Variants in AGAP1 observed in about 807,000 individuals in gnomAD.
The protein encoded by AGAP1 is arf-GAP with GTPase, ANK repeat and PH domain-containing protein 1.
AGAP1 carries 29 observed loss-of-function variants against 105.3 expected under a neutral mutation model. The observed-to-expected ratio is 0.28, with a 90% CI of 0.21 to 0.38. The LOEUF is 0.38. Among genes scored for constraint, AGAP1 ranks in the 10% least tolerant of loss-of-function variants. The pLI, the probability that AGAP1 is intolerant of heterozygous loss-of-function variation, is 1.00. For missense variants in AGAP1, 998 were observed against 1,165.1 expected (o/e 0.86, Z 2.09); for synonymous variants, 509 against 485.9 (o/e 1.05, Z -0.63).
At position 235,725,155 on chromosome 2, in the gene AGAP1, G is replaced by C. The variant is rs1186586812; in HGVS notation, c.310+7511G>C. Among the ~76,000 whole-genome samples the C allele has an allele frequency of 6.6e-6, 1 of 152,194 alleles. No individual in the cohort carries two copies. The highest frequency in any genetic ancestry group is 1.5e-5 in the Non-Finnish European group (1 of 68,030). On this transcript the variant is annotated intron_variant, in intron 3 of 17. Transcript: ENST00000304032. This position sits in a 1 kb window ranked among gnomAD's most constrained non-coding sequence, Gnocchi z 5.7. ...ACTGGCCACTGGCTTCTGGCCTCCA[G>C]GGCCAGCTGGCTGTACAGCCACCTG...
chr2:236,060,750 G>C (rs2058169326), intron 16 of AGAP1, among the ~76,000 whole-genome samples: 1 of 151,822 alleles, frequency 6.6e-6, no homozygotes, highest in Non-Finnish European at 1.5e-5. Flanking sequence ...ACAATAGAAG[G>C]TAGATTGTCC....
At chr2:235,802,968 ATGGTTG>A (rs1180631630) in intron 8 of AGAP1, among the ~76,000 whole-genome samples, 2 of 34,716 alleles carry the variant, frequency 5.8e-5, no homozygotes, top group Non-Finnish European at 6.3e-5. Context: ...GGTTGTGATG[ATGGTTG>A]TGGTTGTGAT....
At chr2:235,504,029 G>A (rs993696073) in intron 1 of AGAP1, among the ~76,000 whole-genome samples, 1 of 152,124 alleles carries the variant, frequency 6.6e-6, no homozygotes, top group Non-Finnish European at 1.5e-5. Flanking sequence ...CCACAGGCAC[G>A]CACCACCATG....
chr2:235,879,348 C>G lies in AGAP1; in HGVS notation c.1051-3997C>G. 6.6e-6 allele frequency among the ~76,000 whole-genome samples: 1 copy of G among 152,124 alleles called. No individual in the cohort carries two copies. Among genetic ancestry groups the G allele is most frequent in the African/African-American group, 2.4e-5 (1 of 41,420 alleles). ...GCGGGGCAGCCAAGTGGCTCTTGGT[C>G]GCCACAGCAATTCTTGGGGGGGTCA... is the stretch of plus-strand genomic sequence containing the variant. On this transcript the variant is annotated intron_variant, in intron 9 of 17. Coordinates refer to ENST00000304032, the MANE Select transcript of AGAP1 (RefSeq NM_001037131.3). This position sits in a 1 kb window ranked among gnomAD's most constrained non-coding sequence, Gnocchi z 5.0.
Position 235,714,086 on chromosome 2 carries a change from T to C in AGAP1, c.223-3471T>C, listed in dbSNP as rs1950978457. Among the ~76,000 whole-genome samples, 1 of 152,186 alleles carries C rather than the reference T, an allele frequency of 6.6e-6. No individual in the cohort carries two copies. The highest frequency in any genetic ancestry group is 1.5e-5 in the Non-Finnish European group (1 of 68,024). On this transcript the variant is annotated intron_variant, in intron 2 of 17. Coordinates refer to ENST00000304032, the MANE Select transcript of AGAP1 (RefSeq NM_001037131.3). This position sits in a 1 kb window ranked among gnomAD's most constrained non-coding sequence, Gnocchi z 4.1. Reference sequence around the variant, plus strand: ...TGGAGTGCGGTGGTGCAATCTCAGCTCACTGCAACCTCTGCCTCCCGGGTT... The same window carrying C: ...TGGAGTGCGGTGGTGCAATCTCAGCCCACTGCAACCTCTGCCTCCCGGGTT...
rs1219405227 is a variant in AGAP1 at position 236,012,493 on chromosome 2, C to A, written c.1646-24068C>A. On this transcript the variant is annotated intron_variant, in intron 13 of 17. Coordinates refer to ENST00000304032, the MANE Select transcript of AGAP1 (RefSeq NM_001037131.3). This position sits in a 1 kb window ranked among gnomAD's most constrained non-coding sequence, Gnocchi z 4.9. Reference sequence around the variant, plus strand: ...TCATGCCTGGGGCCCCTGGTACATACCCATCAAGCATTTCTAAAGCAAACA... The same window carrying A: ...TCATGCCTGGGGCCCCTGGTACATAACCATCAAGCATTTCTAAAGCAAACA... Among the ~76,000 whole-genome samples the A allele has an allele frequency of 1.3e-5, 2 of 152,092 alleles. No homozygotes were observed. Among genetic ancestry groups the A allele is most frequent in the Non-Finnish European group, 2.9e-5 (2 of 68,004 alleles).
chr2:235,749,324 T>C (rs1191484842), intron 5 of AGAP1, among the ~76,000 whole-genome samples: 1 of 150,838 alleles, frequency 6.6e-6, no homozygotes, highest in Non-Finnish European at 1.5e-5. Context: ...TGTAACTCAA[T>C]AGTAATGGAA....
chr2:235,760,527 TA>T (rs149632669), intron 6 of AGAP1, among the ~76,000 whole-genome samples: 270 of 152,386 alleles, frequency 1.8e-3, no homozygotes, highest in African/African-American at 6.2e-3. Flanking sequence ...TTATTTCAAT[TA>T]TTTCATCTTA....
At chr2:235,650,526 C>A (rs1947547075) in intron 1 of AGAP1, among the ~76,000 whole-genome samples, 1 of 152,106 alleles carries the variant, frequency 6.6e-6, no homozygotes, top group African/African-American at 2.4e-5. Flanking sequence ...GTTCTGGGCA[C>A]TGGGGATATG....
intron 1 of AGAP1, among the ~76,000 whole-genome samples, chr2:235,607,381 G>A (rs961858067): frequency 5.3e-5 from 8 of 152,246 alleles, no homozygotes; most frequent in Non-Finnish European, 7.3e-5. Flanking sequence ...TCACAGTTAT[G>A]TGGAAATCTA....
chr2:235,771,472 C>T lies in AGAP1; in HGVS notation c.673+20984C>T, dbSNP rs944037282. 3.7e-4 allele frequency among the ~76,000 whole-genome samples: 56 copies of T among 152,280 alleles called. 1 individual carries two copies. Among genetic ancestry groups the T allele is most frequent in the African/African-American group, 1.3e-3 (54 of 41,584 alleles). On this transcript the variant is annotated intron_variant, in intron 6 of 17. Coordinates refer to ENST00000304032, the MANE Select transcript of AGAP1 (RefSeq NM_001037131.3). The stretch of plus-strand genomic sequence containing the variant: ...GCCAGGGTGACCTAAGGCATGTGGG[C>T]GTGCAAAGATGACGGGCGTGGCTTT...
In AGAP1 at chr2:236,113,405, C is replaced by T. The variant is rs1256516904; in HGVS notation, c.2115-6787C>T. 5.3e-5 allele frequency among the ~76,000 whole-genome samples: 8 copies of T among 152,312 alleles called. No individual in the cohort carries two copies. Among genetic ancestry groups the T allele is most frequent in the Middle Eastern group, 3.4e-3 (1 of 294 alleles). The stretch of plus-strand genomic sequence containing the variant: ...CCACCCACTTCGGCCTCCCAAAGTG[C>T]TGGGATTACAGTCATGAGCCACCAT... On this transcript the variant is annotated intron_variant, in intron 16 of 17. Transcript: ENST00000304032. The surrounding 1 kb of genome is among the most constrained non-coding windows in gnomAD (Gnocchi z 4.3).
chr2:235,903,762 A>G (rs1160350560), intron 10 of AGAP1, among the ~76,000 whole-genome samples: 1 of 152,004 alleles, frequency 6.6e-6, no homozygotes, highest in Non-Finnish European at 1.5e-5. Flanking sequence ...TAGTAGCCTA[A>G]TACGGTATTT....
In AGAP1 at chr2:236,104,028, G is replaced by A. The variant is rs969129321; in HGVS notation, c.2115-16164G>A. On this transcript the variant is annotated intron_variant, in intron 16 of 17. Coordinates refer to ENST00000304032, the MANE Select transcript of AGAP1 (RefSeq NM_001037131.3). This position sits in a 1 kb window ranked among gnomAD's most constrained non-coding sequence, Gnocchi z 4.7. ...GTGGAGGGTTTTATCCCCTTTTTGC[G>A]GGTAGGGAAATTGAATATTCAAACC... Among the ~76,000 whole-genome samples, 27 of 152,334 alleles carry A rather than the reference G, an allele frequency of 1.8e-4. No homozygotes were observed. Among genetic ancestry groups the A allele is most frequent in the African/African-American group, 6.0e-4 (25 of 41,576 alleles).
chr2:235,580,439 G>A (rs973583589), intron 1 of AGAP1, among the ~76,000 whole-genome samples: 34 of 151,688 alleles, frequency 2.2e-4, no homozygotes, highest in Admixed American at 5.9e-4. Context: ...CTTTTCCCTC[G>A]GTGCTTGTTG....
At chr2:235,940,983 G>A (rs116110149) in intron 12 of AGAP1, among the ~76,000 whole-genome samples, 125 of 152,270 alleles carry the variant, frequency 8.2e-4, no homozygotes, top group African/African-American at 2.8e-3. Context: ...GGTGTATTTC[G>A]TTCGATTTGC....
At chr2:235,940,474 C>G (rs562336193) in intron 12 of AGAP1, among the ~76,000 whole-genome samples, 27 of 152,332 alleles carry the variant, frequency 1.8e-4, no homozygotes, top group South Asian at 6.2e-4. Context: ...GACCGCCTCT[C>G]CATGGCTCCA....
chr2:235,629,253 G>A (rs1946741727), intron 1 of AGAP1, among the ~76,000 whole-genome samples: 2 of 148,060 alleles, frequency 1.4e-5, no homozygotes, highest in South Asian at 2.1e-4. Context: ...CCTTCTTAAG[G>A]CTGAGTAGTA....
intron 10 of AGAP1, among the ~76,000 whole-genome samples, chr2:235,902,147 C>T (rs1267212510): frequency 1.3e-5 from 2 of 152,116 alleles, no homozygotes; most frequent in Admixed American, 6.5e-5. Context: ...GCTGGATTCT[C>T]GTATCTGCTT....
Sources: allele counts gnomAD v4.1 joint callset (sites outside exome capture counted in the v4.1 genomes callset), GRCh38; gene constraint gnomAD v4.1.1; non-coding constraint Gnocchi (gnomAD v3.1); transcripts MANE v1.5; gene names NCBI Gene and HGNC (gene_info 2026-07-23, HGNC 2026-07-21).